Variants in BTAF1 observed in about 807,000 individuals in gnomAD.
BTAF1 encodes the protein TATA-binding protein-associated factor 172.
A neutral mutation model predicts 227.1 loss-of-function variants in BTAF1; 38 were observed. The ratio of observed to expected loss-of-function variants is 0.17; its 90% CI spans 0.13 to 0.22. BTAF1 has a LOEUF of 0.22. Among genes scored for constraint, BTAF1 ranks in the 10% least tolerant of loss-of-function variants. BTAF1 has a pLI of 1.00. For missense variants in BTAF1, 1,598 were observed against 2,204.0 expected (o/e 0.73, Z 5.51); for synonymous variants, 742 against 751.9 (o/e 0.99, Z 0.21).
intron 16 of BTAF1, 57 bp downstream of exon 16, chr10:91,981,849 T>G: frequency 6.6e-7 from 1 of 1,522,248 alleles, no homozygotes; most frequent in South Asian, 1.3e-5. Flanking sequence ...ATTAATACAG[T>G]AACCATATTT....
At chr10:92,002,690 A>G (rs1849628869) in intron 25 of BTAF1, among the ~76,000 whole-genome samples, 1 of 152,198 alleles carries the variant, frequency 6.6e-6, no homozygotes, top group Non-Finnish European at 1.5e-5. Context: ...GACTCAATCT[A>G]CATACCTCAC....
At chr10:91,969,972 A>C (rs1564682680) in intron 14 of BTAF1, among the ~76,000 whole-genome samples, 1 of 152,042 alleles carries the variant, frequency 6.6e-6, no homozygotes, top group African/African-American at 2.4e-5. Flanking sequence ...GAAAAAAAAA[A>C]AAAATTCGCC....
intron 2 of BTAF1, 123 bp downstream of exon 2, chr10:91,935,903 T>C (rs181788477): frequency 9.7e-7 from 1 of 1,035,494 alleles, no homozygotes; most frequent in East Asian, 2.8e-5. Context: ...TCTTTTTTTT[T>C]TCTGGTCACA....
At chr10:92,027,389 G>A (rs1851587725) in intron 37 of BTAF1, 89 bp downstream of exon 37, 26 of 1,219,968 alleles carry the variant, frequency 2.1e-5, no homozygotes, top group Admixed American at 2.4e-5. Flanking sequence ...AGCAAAATGC[G>A]TTTACTTTAG....
chr10:92,010,552 C>T (rs1273436822), intron 28 of BTAF1, among the ~76,000 whole-genome samples: 1 of 152,170 alleles, frequency 6.6e-6, no homozygotes, highest in East Asian at 1.9e-4. Context: ...TGACAATGGG[C>T]AGTCTCTGGC....
At chr10:92,020,922 T>G (rs1321926832) in intron 34 of BTAF1, among the ~76,000 whole-genome samples, 1 of 152,094 alleles carries the variant, frequency 6.6e-6, no homozygotes, top group East Asian at 1.9e-4. Context: ...TATTTTAGAG[T>G]GTGCTTCTTG....
Position 91,994,575 on chromosome 10 carries a change from A to G in BTAF1, c.3240A>G (p.Gln1080=). The G allele has an allele frequency of 1.9e-6, 3 of 1,614,076 alleles. No individual in the cohort carries two copies. Among genetic ancestry groups the G allele is most frequent in the Non-Finnish European group, 2.5e-6 (3 of 1,179,940 alleles). ...SLLDKGDSPA[Q]ELVNSLQVFE... ...TGGATAAGGGAGATAGCCCTGCTCAAGAATTGGTGAATTCTCTGCAGGTTT... is the reference window on the plus strand; with the variant it reads ...TGGATAAGGGAGATAGCCCTGCTCAGGAATTGGTGAATTCTCTGCAGGTTT... Residue 1080 remains glutamine (Q), a synonymous_variant, in exon 23 of 38, where the codon CAA becomes CAG. Transcript: ENST00000265990.
intron 20 of BTAF1, among the ~76,000 whole-genome samples, chr10:91,991,279 T>TATAAATATATATATATATATATATAAAA (rs1554860279): frequency 4.1e-5 from 4 of 98,426 alleles, no homozygotes; most frequent in Admixed American, 1.2e-4. Flanking sequence ...TAAATATATA[T>TATAAATATATATATATATATATATAAAA]ATATATATAT....
At chr10:91,927,503 TGTAA>T (rs1473054110) in intron 1 of BTAF1, among the ~76,000 whole-genome samples, 1 of 152,226 alleles carries the variant, frequency 6.6e-6, no homozygotes, top group Admixed American at 6.5e-5. Context: ...ATTTATATTT[TGTAA>T]TTGGTTAATT....
chr10:92,005,830 T>C (rs1849839368), intron 25 of BTAF1, among the ~76,000 whole-genome samples: 1 of 152,020 alleles, frequency 6.6e-6, no homozygotes, highest in Non-Finnish European at 1.5e-5. Context: ...CATTATACTA[T>C]TGCAGATCTT....
At chr10:92,016,301 A>G (rs1589978732) in intron 32 of BTAF1, 39 bp from the exon 33 acceptor site, 1 of 1,562,558 alleles carries the variant, frequency 6.4e-7, no homozygotes, top group Admixed American at 2.2e-5. Flanking sequence ...ATTGAAAATA[A>G]ATATACTTAA....
intron 14 of BTAF1, among the ~76,000 whole-genome samples, chr10:91,968,317 A>C (rs914050530): frequency 6.6e-6 from 1 of 152,160 alleles, no homozygotes; most frequent in African/African-American, 2.4e-5. Flanking sequence ...TGCCTTTTCA[A>C]ATTGGCTTCT....
At chr10:92,018,605 A>G (rs1850899482) in intron 33 of BTAF1, among the ~76,000 whole-genome samples, 178 bp from the exon 34 acceptor site, 1 of 152,234 alleles carries the variant, frequency 6.6e-6, no homozygotes, top group African/African-American at 2.4e-5. Context: ...AAACTGCACA[A>G]GAATCTCAAA....
chr10:91,966,587 C>T (rs763850648), intron 13 of BTAF1, 50 bp from the exon 14 acceptor site: 1 of 1,582,666 alleles, frequency 6.3e-7, no homozygotes, highest in East Asian at 2.2e-5. Context: ...AATGTATCTA[C>T]AGAGTTACAA....
intron 20 of BTAF1, among the ~76,000 whole-genome samples, chr10:91,991,271 A>ATATATATATATATAAAT (rs1564699914): frequency 1.5e-5 from 1 of 66,230 alleles, no homozygotes; most frequent in Non-Finnish European, 3.7e-5. Context: ...TATAAATATA[A>ATATATATATATATAAAT]ATATATATAT....
At position 91,984,339 on chromosome 10, in the gene BTAF1, G is replaced by A. The variant is rs141900541; in HGVS notation, c.2362G>A (p.Val788Ile). The A allele has an allele frequency of 5.6e-6, 9 of 1,613,486 alleles. No homozygotes were observed. The highest frequency in any genetic ancestry group is 7.6e-6 in the Non-Finnish European group (9 of 1,179,722). Reference protein sequence around the residue: ...CKQLISSLADVHIEVGNRVNN... With the variant: ...CKQLISSLADIHIEVGNRVNN... ...ACAACTTATATCATCATTAGCTGAT[G>A]TACATATTGAAGTTGGTAATCGAGT... The change falls in exon 19 of 38, where the codon GTA (valine) becomes ATA (isoleucine). Residue 788 changes from valine (V) to isoleucine (I), a missense_variant. This residue lies in a region of BTAF1 where 318 missense variants were observed against 435.0 expected (regional missense o/e 0.73). Transcript: ENST00000265990.
chr10:91,948,928 TTC>T (rs1845569490), intron 4 of BTAF1, among the ~76,000 whole-genome samples: 1 of 152,174 alleles, frequency 6.6e-6, no homozygotes, highest in East Asian at 1.9e-4. Context: ...TTTTTATAGT[TTC>T]TGATTCTCTA....
In BTAF1 at chr10:92,008,864, T is replaced by C. The variant is rs1489526817; in HGVS notation, c.3849T>C (p.Tyr1283=). The C allele has an allele frequency of 1.2e-6, 2 of 1,613,052 alleles. No individual in the cohort carries two copies. Among genetic ancestry groups the C allele is most frequent in the East Asian group, 4.5e-5 (2 of 44,828 alleles). ...GVNWLAFLNK[Y]KLHGILCDDM... ...ACTGGTTAGCATTTCTTAATAAGTA[T>C]AAACTTCATGGAATTCTGTGTGATG... is the stretch of plus-strand genomic sequence containing the variant. Residue 1283 remains tyrosine (Y), a synonymous_variant, in exon 27 of 38, where the codon TAT becomes TAC. Transcript: ENST00000265990.
chr10:92,006,160 A>G (rs996518438), intron 25 of BTAF1, among the ~76,000 whole-genome samples: 12 of 152,158 alleles, frequency 7.9e-5, no homozygotes, highest in Admixed American at 2.0e-4. Flanking sequence ...AGATAACTGG[A>G]TTCTCATGTT....
Sources: allele counts gnomAD v4.1 joint callset (sites outside exome capture counted in the v4.1 genomes callset), GRCh38; gene constraint gnomAD v4.1.1; regional missense constraint gnomAD v4.1.1; transcripts MANE v1.5; gene names NCBI Gene and HGNC (gene_info 2026-07-23, HGNC 2026-07-21).